MRPS28: variants seen among roughly 807,000 people sequenced by gnomAD.
MRPS28 encodes the protein small ribosomal subunit protein bS1m.
In MRPS28, 7 loss-of-function variants were observed where a neutral mutation model predicts 10.8. The ratio of observed to expected loss-of-function variants is 0.65; its 90% CI spans 0.37 to 1.22. The LOEUF (loss-of-function observed/expected upper bound fraction) is 1.22, where lower values mean the gene tolerates loss of function less well. Among genes scored for constraint, MRPS28 ranks in the 50% most tolerant of loss-of-function variants. The pLI is 0.02. For synonymous variants in MRPS28, 121 were observed against 93.3 expected, an observed-to-expected ratio of 1.30 and a Z score of -1.71; for missense variants, 265 against 232.9, an observed-to-expected ratio of 1.14 and a Z score of -0.90.
At chr8:80,001,051 A>G (rs1808648290) in intron 2 of MRPS28, among the ~76,000 whole-genome samples, 1 of 152,220 alleles carries the variant, frequency 6.6e-6, no homozygotes, top group African/African-American at 2.4e-5. Context: ...AGTATTTGTA[A>G]TTTATAATAA....
At chr8:79,960,292 G>T (rs1807342887) in intron 2 of MRPS28, among the ~76,000 whole-genome samples, 1 of 152,136 alleles carries the variant, frequency 6.6e-6, no homozygotes, top group Non-Finnish European at 1.5e-5. Flanking sequence ...TGTAGACCTT[G>T]CCAAGAAGCT....
chr8:79,920,180 T>C (rs567993631), intron 2 of MRPS28, among the ~76,000 whole-genome samples: 69 of 152,200 alleles, frequency 4.5e-4, no homozygotes, highest in Admixed American at 5.9e-4. Context: ...TTTCTTAATC[T>C]AGTCTATCAT....
At position 79,919,025 on chromosome 8, in the gene MRPS28, C is replaced by A; in HGVS notation, c.519G>T (p.Gln173His). The A allele has an allele frequency of 6.3e-7, 1 of 1,591,954 alleles. No individual in the cohort carries two copies. The highest frequency in any genetic ancestry group is 8.5e-7 in the Non-Finnish European group (1 of 1,171,620). ...LEANAVLLGI[Q>H]ESKDSRSKEE... ...CTTTCGATCTTGAGTCTTTACTCTC[C>A]TGGATTCCCAAGAGAACTGCATTAG... The change falls in exon 3 of 3, where the codon CAG becomes CAT. Residue 173 changes from glutamine to histidine, a missense_variant. Physicochemically the swap from Gln to His is conservative, Grantham distance 24. Coordinates refer to ENST00000276585, the MANE Select transcript of MRPS28 (RefSeq NM_014018.3).
chr8:79,954,106 C>T (rs1258623801), intron 2 of MRPS28, among the ~76,000 whole-genome samples: 1 of 151,950 alleles, frequency 6.6e-6, no homozygotes, highest in Non-Finnish European at 1.5e-5. Flanking sequence ...AAGCCAGGCA[C>T]ACTACATGCT....
At chr8:79,920,567 T>C (rs1226465721) in intron 2 of MRPS28, among the ~76,000 whole-genome samples, 2 of 152,238 alleles carry the variant, frequency 1.3e-5, no homozygotes, top group Non-Finnish European at 2.9e-5. Context: ...TTTTCATGTG[T>C]CTTTTGGTTG....
In MRPS28 at chr8:80,003,171, T is replaced by C. The variant is rs758307299; in HGVS notation, c.223A>G (p.Lys75Glu). 3.2e-6 allele frequency: 5 copies of C among 1,581,934 alleles called. No individual in the cohort carries two copies. The African/African-American group carries it at 4.1e-5, about 13-fold the overall frequency. ...KVEPLQKGSP[K>E]NVESFASMLR... The stretch of plus-strand genomic sequence containing the variant: ...ATAGATGCAAAGGATTCCACATTTT[T>C]TGGAGAACCCTAAATATGAAAAGAG... The change falls in exon 2 of 3, where the codon AAA (lysine) becomes GAA (glutamate). Residue 75 changes from lysine to glutamate, a missense_variant. By Grantham distance (56) the Lys-to-Glu change is moderately conservative. Transcript: ENST00000276585.
intron 2 of MRPS28, among the ~76,000 whole-genome samples, chr8:79,984,919 G>A (rs562443842): frequency 1.2e-4 from 18 of 152,238 alleles, no homozygotes; most frequent in South Asian, 4.1e-4. Flanking sequence ...TTTGCACCAC[G>A]CGGACCTAAT....
intron 1 of MRPS28, among the ~76,000 whole-genome samples, chr8:80,011,482 T>C (rs1809048460): frequency 6.6e-6 from 1 of 151,978 alleles, no homozygotes; most frequent in Non-Finnish European, 1.5e-5. Context: ...GGCTAGGCAT[T>C]GTGGCTCACG....
At chr8:79,973,724 C>T (rs77424859) in intron 2 of MRPS28, among the ~76,000 whole-genome samples, 1 of 151,512 alleles carries the variant, frequency 6.6e-6, no homozygotes, top group African/African-American at 2.4e-5. Flanking sequence ...GTTTCTGCCA[C>T]TCAGAGACTC....
At chr8:79,991,047 T>C (rs1256140025) in intron 2 of MRPS28, among the ~76,000 whole-genome samples, 1 of 150,064 alleles carries the variant, frequency 6.7e-6, no homozygotes, top group Non-Finnish European at 1.5e-5. Flanking sequence ...AAGATATCCA[T>C]GGCTGGAGAA....
chr8:79,933,545 C>T (rs2129905317), intron 2 of MRPS28, among the ~76,000 whole-genome samples: 1 of 152,178 alleles, frequency 6.6e-6, no homozygotes. Flanking sequence ...CACAAATGTT[C>T]AATTTATTTG....
chr8:79,980,453 T>C, intron 2 of MRPS28, among the ~76,000 whole-genome samples: 1 of 152,248 alleles, frequency 6.6e-6, no homozygotes, highest in East Asian at 1.9e-4. Context: ...GAAAATGCCC[T>C]ATAGTTTTCA....
At position 79,980,754 on chromosome 8, in the gene MRPS28, C is replaced by A. The variant is rs147674129; in HGVS notation, c.395+22245G>T. On this transcript the variant is annotated intron_variant, in intron 2 of 2. Coordinates refer to ENST00000276585, the MANE Select transcript of MRPS28 (RefSeq NM_014018.3). ...ACTTATACTCTGCAAGGCACTATGC[C>A]GGACATTTAAAAATTATTTTCTCCA... Among the ~76,000 whole-genome samples, 190 of 152,238 alleles carry A rather than the reference C, an allele frequency of 1.2e-3. 1 individual carries two copies. The highest frequency in any genetic ancestry group is 4.5e-3 in the African/African-American group (188 of 41,532).
At chr8:79,970,987 G>A (rs1032855097) in intron 2 of MRPS28, among the ~76,000 whole-genome samples, 3 of 152,270 alleles carry the variant, frequency 2.0e-5, no homozygotes, top group African/African-American at 7.2e-5. Context: ...GAAAAATGCC[G>A]CCTTTAATAT....
intron 2 of MRPS28, among the ~76,000 whole-genome samples, chr8:79,931,796 G>T (rs1806468811): frequency 6.6e-6 from 1 of 152,208 alleles, no homozygotes; most frequent in Admixed American, 6.5e-5. Context: ...TCTATGTTGG[G>T]AGTAGACAAT....
chr8:79,958,356 C>G (rs1164885470), intron 2 of MRPS28: 1 of 697,110 alleles, frequency 1.4e-6, no homozygotes, highest in Non-Finnish European at 2.6e-6. Context: ...CGATGTTTTC[C>G]AAAGTCAGAG....
At chr8:80,007,366 A>C (rs1808882097) in intron 1 of MRPS28, among the ~76,000 whole-genome samples, 1 of 152,160 alleles carries the variant, frequency 6.6e-6, no homozygotes, top group African/African-American at 2.4e-5. Flanking sequence ...TGGTGCAAGA[A>C]AGGGATGCCC....
intron 2 of MRPS28, among the ~76,000 whole-genome samples, chr8:79,922,362 C>G (rs1810117057): frequency 6.6e-6 from 1 of 152,048 alleles, no homozygotes; most frequent in Non-Finnish European, 1.5e-5. Context: ...TCAAAGGATA[C>G]AAAATTTCAG....
chr8:79,962,982 C>T (rs1807412146), intron 2 of MRPS28, among the ~76,000 whole-genome samples: 1 of 152,066 alleles, frequency 6.6e-6, no homozygotes, highest in Non-Finnish European at 1.5e-5. Context: ...ACACAGACCT[C>T]TTGGAAACAC....
Sources: gnomAD v4.1 joint callset for allele counts (sites outside exome capture counted in the v4.1 genomes callset) on GRCh38, gnomAD v4.1.1 for gene constraint, MANE v1.5 for transcripts, NCBI Gene and HGNC (gene_info 2026-07-23, HGNC 2026-07-21) for gene names.